Variants in AGL observed in about 807,000 individuals in gnomAD.
The protein encoded by AGL is amylo-alpha-1,6-glucosidase and 4-alpha-glucanotransferase, also known as glycogen debranching enzyme.
Under a neutral mutation model 199.3 loss-of-function variants are expected in AGL, and 128 were observed. That is an observed-to-expected ratio of 0.64 (90% confidence interval 0.56 to 0.74). The LOEUF (loss-of-function observed/expected upper bound fraction) is 0.74, where lower values mean the gene tolerates loss of function less well. Among genes scored for constraint, AGL ranks in the 30% least tolerant of loss-of-function variants. AGL has a pLI of 0.00. For synonymous variants in AGL, 584 were observed against 594.7 expected (o/e 0.98, Z 0.26); for missense variants, 1,809 against 1,820.8 (o/e 0.99, Z 0.12).
In AGL at chr1:99,900,684, T is replaced by A. The variant is rs1185628017; in HGVS notation, c.3411T>A (p.Pro1137=). ...GTACCCTGAGGCATGGTCTCATTCC[T>A]AATCTACTGGGTGAAGGAATTTATG... The part of the protein sequence containing the change: ...FAGTLRHGLI[P]NLLGEGIYAR... Residue 1137 remains proline (P), a synonymous_variant, in exon 26 of 34, where the codon CCT becomes CCA. Transcript: ENST00000361915. 3 of 1,614,178 alleles carry A rather than the reference T, an allele frequency of 1.9e-6. No individual in the cohort carries two copies. The South Asian group carries it at 3.3e-5, about 18-fold the overall frequency.
chr1:99,906,896 A>G (rs1654329318), intron 27 of AGL, among the ~76,000 whole-genome samples: 1 of 152,190 alleles, frequency 6.6e-6, no homozygotes, highest in Non-Finnish European at 1.5e-5. Context: ...CCCAAAGTGG[A>G]ATGCTAGATT....
intron 27 of AGL, among the ~76,000 whole-genome samples, chr1:99,907,895 G>A (rs1360370930): frequency 1.3e-5 from 2 of 151,718 alleles, no homozygotes; most frequent in African/African-American, 4.8e-5. Flanking sequence ...GAGGTGCAGG[G>A]TGCTTTGTAT....
Position 99,907,686 on chromosome 1 carries a change from G to GTTTTCTGTTTTTTT in AGL, c.3701-3022_3701-3021insCTGTTTTTTTTTTT, listed in dbSNP as rs1654405672. 3.3e-5 allele frequency among the ~76,000 whole-genome samples: 2 copies of GTTTTCTGTTTTTTT among 59,846 alleles called. 1 individual carries two copies. Among genetic ancestry groups the GTTTTCTGTTTTTTT allele is most frequent in the Admixed American group, 3.6e-4 (2 of 5,498 alleles). 39.3% of individuals were successfully genotyped at this position (59,846 alleles called of 152,430 possible). A position where few individuals can be genotyped will look rare whatever the true frequency, so the allele number is the denominator to read the frequency against. On this transcript the variant is annotated intron_variant, in intron 27 of 33. Coordinates refer to ENST00000361915, the MANE Select transcript of AGL (RefSeq NM_000642.3). ...TTTTTGTTTTTGTTCGTTTGTTTTT[G>GTTTTCTGTTTTTTT]TTTTTTGTTTTTTTTGCTAGTAGCC...
At position 99,880,766 on chromosome 1, in the gene AGL, A is replaced by G; in HGVS notation, c.1870A>G (p.Ile624Val). Residue 624 changes from isoleucine to valine, a missense_variant, in exon 14 of 34, where the codon ATT becomes GTT. Physicochemically the swap from Ile to Val is conservative, Grantham distance 29. Coordinates refer to ENST00000361915, the MANE Select transcript of AGL (RefSeq NM_000642.3). ...PAIAHALFMDITHDNECPIVH... is the reference protein window; with the variant it reads ...PAIAHALFMDVTHDNECPIVH... ...TATTGCACATGCCCTGTTTATGGAT[A>G]TTACGCATGATAATGAGTGTCCTAT... 6.2e-7 allele frequency: 1 copy of G among 1,613,994 alleles called. No homozygotes were observed. The highest frequency in any genetic ancestry group is 1.1e-5 in the South Asian group (1 of 91,082).
At chr1:99,911,016 T>C (rs1311866646) in intron 28 of AGL, among the ~76,000 whole-genome samples, 169 bp downstream of exon 28, 1 of 152,216 alleles carries the variant, frequency 6.6e-6, no homozygotes, top group Non-Finnish European at 1.5e-5. Context: ...CCTGTTGATA[T>C]AAGTTATCAA....
intron 2 of AGL, among the ~76,000 whole-genome samples, chr1:99,857,296 C>T (rs569481396): frequency 9.8e-4 from 149 of 151,288 alleles, no homozygotes; most frequent in Middle Eastern, 7.0e-3. Flanking sequence ...GATGGGATGG[C>T]GGCCGGGAAG....
rs1650909191 is a variant in AGL at position 99,870,599 on chromosome 1, A to C, written c.846+18A>C. On this transcript the variant is annotated intron_variant, in intron 6 of 33. Coordinates refer to ENST00000361915, the MANE Select transcript of AGL (RefSeq NM_000642.3). ...ATATGAATGTCAGTATGTACAGAGG[A>C]GTATCACACTAAAACAGAAAAAATT... is the stretch of plus-strand genomic sequence containing the variant. 6.2e-7 allele frequency: 1 copy of C among 1,613,422 alleles called. No individual in the cohort carries two copies. Among genetic ancestry groups the C allele is most frequent in the Admixed American group, 1.7e-5 (1 of 60,002 alleles).
At chr1:99,896,426 G>A in intron 25 of AGL, 38 bp downstream of exon 25, 1 of 1,432,198 alleles carries the variant, frequency 7.0e-7, no homozygotes. Context: ...GCGAGTTTAT[G>A]TCTGAATGTC....
intron 33 of AGL, among the ~76,000 whole-genome samples, chr1:99,917,871 A>C (rs559669568): frequency 6.6e-6 from 1 of 152,118 alleles, no homozygotes; most frequent in Admixed American, 6.5e-5. Flanking sequence ...TTTACCTGTT[A>C]TTACCCCCCA....
chr1:99,912,884 C>A (rs1198068831), intron 29 of AGL, among the ~76,000 whole-genome samples: 1 of 152,180 alleles, frequency 6.6e-6, no homozygotes, highest in East Asian at 1.9e-4. Context: ...ATAGTACCCA[C>A]ATTTTAAAAA....
At position 99,910,704 on chromosome 1, in the gene AGL, T is replaced by G. The variant is rs1654684696; in HGVS notation, c.3701-8T>G. The G allele has an allele frequency of 6.4e-7, 1 of 1,555,514 alleles. No individual in the cohort carries two copies. The highest frequency in any genetic ancestry group is 1.4e-5 in the African/African-American group (1 of 73,014). ...AAAATTTTATTTTATACACATTTTGTTTTTTAGGTTTTAATATAACTGCAG... is the reference window on the plus strand; with the variant it reads ...AAAATTTTATTTTATACACATTTTGGTTTTTAGGTTTTAATATAACTGCAG... On this transcript the variant is annotated splice_polypyrimidine_tract_variant and splice_region_variant and intron_variant, in intron 27 of 33. Coordinates refer to ENST00000361915, the MANE Select transcript of AGL (RefSeq NM_000642.3).
intron 21 of AGL, among the ~76,000 whole-genome samples, chr1:99,890,088 G>A (rs2100784806): frequency 6.6e-6 from 1 of 152,228 alleles, no homozygotes; most frequent in East Asian, 1.9e-4. Flanking sequence ...ATTATGATTT[G>A]TGGATTCTTT....
chr1:99,903,720 C>T (rs1186994570), intron 27 of AGL, among the ~76,000 whole-genome samples: 4 of 152,214 alleles, frequency 2.6e-5, no homozygotes, highest in Non-Finnish European at 5.9e-5. Context: ...CACTGACTTC[C>T]ACAATGGTTG....
At chr1:99,880,155 A>G (rs1651895163) in intron 13 of AGL, 109 bp downstream of exon 13, 2 of 1,456,726 alleles carry the variant, frequency 1.4e-6, no homozygotes, top group East Asian at 2.3e-5. Context: ...AACACAGTTA[A>G]TGTTCTTCTA....
chr1:99,865,165 A>C (rs189647342), intron 5 of AGL, among the ~76,000 whole-genome samples: 1 of 150,910 alleles, frequency 6.6e-6, no homozygotes, highest in Non-Finnish European at 1.5e-5. Flanking sequence ...CAAAATATCA[A>C]AATATATATA....
intron 21 of AGL, among the ~76,000 whole-genome samples, chr1:99,890,652 T>A (rs683214): frequency 0.032 from 1,578 of 48,778 alleles, 21 homozygotes; most frequent in African/African-American, 0.068. Context: ...AAAAAAAAAA[T>A]ATATATATAT....
At chr1:99,877,442 G>C (rs1379713636) in intron 11 of AGL, among the ~76,000 whole-genome samples, 199 bp from the exon 12 acceptor site, 1 of 152,110 alleles carries the variant, frequency 6.6e-6, no homozygotes, top group African/African-American at 2.4e-5. Flanking sequence ...CTGTAAGCTA[G>C]AGTTTTTTCA....
Position 99,870,511 on chromosome 1 carries a change from G to C in AGL, c.776G>C (p.Cys259Ser), listed in dbSNP as rs1182397534. The change falls in exon 6 of 34, where the codon TGT becomes TCT. Residue 259 changes from cysteine to serine, a missense_variant. Transcript: ENST00000361915. ...GACAGAGCACTTTGGCGTTTCTCCT[G>C]TGATGTTGCAGAAGGGAAATACAAA... Reference protein sequence around the residue: ...VLDRALWRFSCDVAEGKYKEK... With the variant: ...VLDRALWRFSSDVAEGKYKEK... 1 of 1,614,012 alleles carries C rather than the reference G, an allele frequency of 6.2e-7. No individual in the cohort carries two copies.
At position 99,851,110 on chromosome 1, in the gene AGL, T is replaced by A. The variant is rs1342547734; in HGVS notation, c.68T>A (p.Phe23Tyr). ...ATGGAGAAACTGGAAAAGACCCTCT[T>A]CAGACTTGAACAAGGTCAGTAGCAA... ...NEMEKLEKTL[F>Y]RLEQGYELQF... Residue 23 changes from phenylalanine (F) to tyrosine (Y), a missense_variant, in exon 2 of 34, where the codon TTC becomes TAC. Phe to Tyr is a conservative substitution (Grantham distance 22, BLOSUM62 3). Coordinates refer to ENST00000361915, the MANE Select transcript of AGL (RefSeq NM_000642.3). 6.2e-7 allele frequency: 1 copy of A among 1,614,012 alleles called. No homozygotes were observed. Among genetic ancestry groups the A allele is most frequent in the Non-Finnish European group, 8.5e-7 (1 of 1,179,888 alleles).
Sources: gnomAD v4.1 joint callset for allele counts (sites outside exome capture counted in the v4.1 genomes callset) on GRCh38, gnomAD v4.1.1 for gene constraint, MANE v1.5 for transcripts, NCBI Gene and HGNC (gene_info 2026-07-23, HGNC 2026-07-21) for gene names.